JAK2: variants seen among roughly 807,000 people sequenced by gnomAD.
The protein encoded by JAK2 is tyrosine-protein kinase JAK2.
JAK2 carries 86 observed loss-of-function variants against 139.3 expected under a neutral mutation model. The observed-to-expected ratio is 0.62, with a 90% CI of 0.52 to 0.74. The LOEUF (loss-of-function observed/expected upper bound fraction) is 0.74, where lower values mean the gene tolerates loss of function less well. Ranked by LOEUF, JAK2 falls within the 30% of genes least tolerant of loss-of-function variation. The probability of loss-of-function intolerance (pLI) is 0.00; values close to 1 mark genes in which losing one functional copy is unlikely to be tolerated. For synonymous variants in JAK2, 490 were observed against 437.7 expected (o/e 1.12, Z -1.49); for missense variants, 1,421 against 1,360.3 (o/e 1.04, Z -0.70).
At chr9:5,071,722 T>C (rs1818961002) in intron 12 of JAK2, among the ~76,000 whole-genome samples, 1 of 152,084 alleles carries the variant, frequency 6.6e-6, no homozygotes, top group Non-Finnish European at 1.5e-5. Context: ...AGACAATAGA[T>C]AGAATTAGCC....
At chr9:5,093,855 A>T (rs188404537) in intron 22 of JAK2, among the ~76,000 whole-genome samples, 6 of 152,270 alleles carry the variant, frequency 3.9e-5, no homozygotes, top group Admixed American at 2.0e-4. Flanking sequence ...TTAAAGTCCT[A>T]TGTGATCTGA....
rs377088344 is a variant in JAK2, at chr9:5,116,970, G to A, written c.3060-6034G>A. Among the ~76,000 whole-genome samples the A allele has an allele frequency of 3.3e-5, 5 of 152,292 alleles. No individual in the cohort carries two copies. The East Asian group carries it at 7.7e-4, about 23-fold the overall frequency. On this transcript the variant is annotated intron_variant, in intron 22 of 24. Transcript: ENST00000381652. ...AAGATAACTAAGATGACATTTCAAC[G>A]ATTGGTTGAATTGACCTCTCCCTCA...
rs765463659 is a variant in JAK2 at position 4,985,965 on chromosome 9, A to C, written c.-83A>C. Reference sequence around the variant, plus strand: ...GTTTCAGAAGCAGGCAACAGGAACAAGATGTGAACTGTTTCTCTTCTGCAG... The same window carrying C: ...GTTTCAGAAGCAGGCAACAGGAACACGATGTGAACTGTTTCTCTTCTGCAG... On this transcript the variant is annotated 5_prime_UTR_variant, in exon 2 of 25. Transcript: ENST00000381652. 3.7e-4 allele frequency: 56 copies of C among 152,784 alleles called. No homozygotes were observed. The highest frequency in any genetic ancestry group is 5.1e-4 in the Non-Finnish European group (35 of 68,056). The allele number at this position is 152,784 out of a possible 1,614,324, so 9.5% of individuals were successfully genotyped here.
intron 22 of JAK2, among the ~76,000 whole-genome samples, chr9:5,095,603 GC>G (rs949662608): frequency 9.9e-5 from 15 of 151,912 alleles, no homozygotes; most frequent in Admixed American, 6.6e-5. Flanking sequence ...CTAATGTCTG[GC>G]ATACTTCTCC....
intron 5 of JAK2, among the ~76,000 whole-genome samples, chr9:5,047,019 C>T (rs746288197): frequency 1.3e-5 from 2 of 152,044 alleles, no homozygotes; most frequent in Non-Finnish European, 2.9e-5. Context: ...TCAATTTTAT[C>T]CTTCTAGGAA....
At position 5,101,192 on chromosome 9, in the gene JAK2, T is replaced by A. The variant is rs147536055; in HGVS notation, c.3059+10281T>A. On this transcript the variant is annotated intron_variant, in intron 22 of 24. Coordinates refer to ENST00000381652, the MANE Select transcript of JAK2 (RefSeq NM_004972.4). ...CACTTTTGCCCAAATACTGTGCTTT[T>A]CCAACAGTCTTACCAAATGGCACAC... is the stretch of plus-strand genomic sequence containing the variant. Among the ~76,000 whole-genome samples the A allele has an allele frequency of 2.3e-3, 356 of 152,336 alleles. 2 individuals are homozygous for A. The highest frequency in any genetic ancestry group is 8.2e-3 in the African/African-American group (342 of 41,562).
intron 2 of JAK2, among the ~76,000 whole-genome samples, chr9:5,014,467 A>G (rs1214733657): frequency 2.0e-5 from 3 of 152,232 alleles, no homozygotes; most frequent in Admixed American, 6.5e-5. Flanking sequence ...CTTACCTTCA[A>G]GAAACTTTCA....
At chr9:4,995,753 C>G (rs1820523170) in intron 2 of JAK2, among the ~76,000 whole-genome samples, 1 of 152,126 alleles carries the variant, frequency 6.6e-6, no homozygotes, top group African/African-American at 2.4e-5. Flanking sequence ...AGAAGCAGAT[C>G]TTTTTGCCAA....
At position 5,054,059 on chromosome 9, in the gene JAK2, T is replaced by A. The variant is rs185845218; in HGVS notation, c.615-504T>A. Among the ~76,000 whole-genome samples, 8 of 152,168 alleles carry A rather than the reference T, an allele frequency of 5.3e-5. No homozygotes were observed. Among genetic ancestry groups the A allele is most frequent in the Middle Eastern group, 6.8e-3 (2 of 294 alleles). ...ATTGTTTTGATCACAAAGGAATTAT[T>A]AGGAGTTGAAGCTGGCCTAACAAAA... is the stretch of plus-strand genomic sequence containing the variant. On this transcript the variant is annotated intron_variant, in intron 6 of 24. Transcript: ENST00000381652. This position sits in a 1 kb window ranked among gnomAD's most constrained non-coding sequence, Gnocchi z 4.9.
At chr9:5,043,120 G>C (rs974778330) in intron 4 of JAK2, among the ~76,000 whole-genome samples, 2 of 152,158 alleles carry the variant, frequency 1.3e-5, no homozygotes, top group African/African-American at 2.4e-5. Context: ...TAAAGCCCCC[G>C]ACCCAGCCCC....
intron 19 of JAK2, among the ~76,000 whole-genome samples, chr9:5,084,702 G>A (rs1465372261): frequency 1.3e-5 from 2 of 151,888 alleles, no homozygotes; most frequent in Non-Finnish European, 2.9e-5. Context: ...TTTTAACATG[G>A]ATTATTTGTG....
At chr9:5,052,906 T>C (rs1330650771) in intron 6 of JAK2, among the ~76,000 whole-genome samples, 1 of 152,112 alleles carries the variant, frequency 6.6e-6, no homozygotes, top group African/African-American at 2.4e-5. Context: ...TTGATGAAAA[T>C]GTGGGCTGCT....
At chr9:5,042,469 G>C (rs1009208053) in intron 4 of JAK2, among the ~76,000 whole-genome samples, 36 of 152,298 alleles carry the variant, frequency 2.4e-4, no homozygotes, top group African/African-American at 8.7e-4. Context: ...CCTGTGTCTA[G>C]TCCTCCCCTC....
chr9:5,023,086 T>A (rs1822540564), intron 3 of JAK2, among the ~76,000 whole-genome samples: 1 of 152,230 alleles, frequency 6.6e-6, no homozygotes, highest in Admixed American at 6.5e-5. Flanking sequence ...ACCCTACTCT[T>A]CTATCAAACA....
At chr9:4,999,390 C>G (rs902471843) in intron 2 of JAK2, among the ~76,000 whole-genome samples, 8 of 152,082 alleles carry the variant, frequency 5.3e-5, no homozygotes, top group African/African-American at 1.9e-4. Flanking sequence ...GACCAAATGT[C>G]TCTTCATATA....
intron 22 of JAK2, among the ~76,000 whole-genome samples, chr9:5,106,155 T>C (rs1821935283): frequency 6.6e-6 from 1 of 152,044 alleles, no homozygotes; most frequent in Admixed American, 6.6e-5. Flanking sequence ...TTTTGCAATC[T>C]ACCCATCAGA....
intron 22 of JAK2, chr9:5,109,165 G>T (rs988229958): frequency 4.1e-4 from 63 of 152,210 alleles, no homozygotes; most frequent in African/African-American, 1.5e-3. Context: ...ACAACACAAT[G>T]AGGGACACTT....
intron 3 of JAK2, among the ~76,000 whole-genome samples, chr9:5,025,904 CATCT>C (rs560369379): frequency 1.0e-3 from 156 of 152,174 alleles, no homozygotes; most frequent in Non-Finnish European, 8.4e-4. Context: ...AAAAATTGTC[CATCT>C]GTCTATATTT....
intron 2 of JAK2, among the ~76,000 whole-genome samples, chr9:5,015,563 C>G (rs1274393393): frequency 1.4e-5 from 2 of 145,742 alleles, no homozygotes; most frequent in African/African-American, 5.1e-5. Context: ...GAGACAAGGT[C>G]TCACTTTGTT....
Sources: allele counts gnomAD v4.1 joint callset (sites outside exome capture counted in the v4.1 genomes callset), GRCh38; gene constraint gnomAD v4.1.1; non-coding constraint Gnocchi (gnomAD v3.1); transcripts MANE v1.5; gene names NCBI Gene and HGNC (gene_info 2026-07-23, HGNC 2026-07-21).